UST: variants seen among roughly 807,000 people sequenced by gnomAD.
UST encodes uronyl 2-sulfotransferase.
Under a neutral mutation model 45.6 loss-of-function variants are expected in UST, and 21 were observed. That is an observed-to-expected ratio of 0.46 (90% confidence interval 0.33 to 0.66). The LOEUF is 0.66. UST is among the 30% of genes least tolerant of loss of function. UST has a pLI of 0.02. For missense variants in UST, 463 were observed against 512.4 expected (o/e 0.90, Z 0.93); for synonymous variants, 215 against 200.6 (o/e 1.07, Z -0.61).
At chr6:148,835,795 G>T (rs1414319933) in intron 1 of UST, among the ~76,000 whole-genome samples, 1 of 152,134 alleles carries the variant, frequency 6.6e-6, no homozygotes, top group Non-Finnish European at 1.5e-5. Context: ...GAAGTGTGTG[G>T]GGTAGGAAGT....
At chr6:148,999,098 A>T (rs1448371751) in intron 5 of UST, among the ~76,000 whole-genome samples, 4 of 152,258 alleles carry the variant, frequency 2.6e-5, no homozygotes, top group African/African-American at 4.8e-5. Flanking sequence ...AGTCATGCAG[A>T]TATCTAGCAA....
At chr6:149,043,308 A>G (rs1562337956) in intron 7 of UST, among the ~76,000 whole-genome samples, 1 of 151,924 alleles carries the variant, frequency 6.6e-6, no homozygotes, top group Non-Finnish European at 1.5e-5. Context: ...GTGAGGTCTC[A>G]CTGTGCTGCC....
chr6:149,055,113 T>G (rs888294361), intron 7 of UST, among the ~76,000 whole-genome samples: 1 of 152,134 alleles, frequency 6.6e-6, no homozygotes, highest in South Asian at 2.1e-4. Context: ...AATAAATCAT[T>G]TGGTAGAAGC....
chr6:148,991,948 G>A lies in UST; in HGVS notation c.682-27191G>A, dbSNP rs111632526. 3.6e-3 allele frequency among the ~76,000 whole-genome samples: 542 copies of A among 152,246 alleles called. 4 individuals are homozygous for A. Among genetic ancestry groups the A allele is most frequent in the African/African-American group, 0.012 (513 of 41,552 alleles). ...AAAATATGAGTACTCAGGGGTTGACGTTTAGAACAATAAATAATTTTTACT... is the reference window on the plus strand; with the variant it reads ...AAAATATGAGTACTCAGGGGTTGACATTTAGAACAATAAATAATTTTTACT... On this transcript the variant is annotated intron_variant, in intron 5 of 7. Transcript: ENST00000367463.
chr6:148,821,963 C>G (rs1777474263), intron 1 of UST, among the ~76,000 whole-genome samples: 1 of 152,176 alleles, frequency 6.6e-6, no homozygotes, highest in Non-Finnish European at 1.5e-5. Flanking sequence ...TTCTACATGT[C>G]CCCGTCATCC....
chr6:148,797,905 G>A (rs1776982983), intron 1 of UST, among the ~76,000 whole-genome samples: 1 of 152,174 alleles, frequency 6.6e-6, no homozygotes, highest in Admixed American at 6.5e-5. Flanking sequence ...GGCCAGATAG[G>A]TAAGCAGTGG....
At chr6:148,877,287 G>A (rs1381574282) in intron 1 of UST, among the ~76,000 whole-genome samples, 1 of 63,378 alleles carries the variant, frequency 1.6e-5, no homozygotes, top group East Asian at 6.6e-4. Context: ...GGGGAGTTGT[G>A]TATGAGTGCG....
chr6:148,836,617 T>TA (rs1660596454), intron 1 of UST, among the ~76,000 whole-genome samples: 1 of 152,182 alleles, frequency 6.6e-6, no homozygotes. Flanking sequence ...TGAAGGAAAT[T>TA]AGAGATTTTT....
chr6:149,005,658 G>A, intron 5 of UST: 1 of 962,916 alleles, frequency 1.0e-6, no homozygotes, highest in African/African-American at 1.8e-5. Context: ...TTAAAGGACT[G>A]ATTTCCACTA....
intron 1 of UST, among the ~76,000 whole-genome samples, chr6:148,819,538 T>A (rs1409629225): frequency 6.6e-6 from 1 of 152,258 alleles, no homozygotes; most frequent in Non-Finnish European, 1.5e-5. Flanking sequence ...ACTGACAACT[T>A]ATACAGACTT....
intron 7 of UST, among the ~76,000 whole-genome samples, chr6:149,035,507 C>T (rs1341108426): frequency 6.6e-6 from 1 of 152,098 alleles, no homozygotes; most frequent in Non-Finnish European, 1.5e-5. Context: ...GGAATCCCAG[C>T]ACTTTGGGAA....
At chr6:148,916,706 T>C (rs1244652132) in intron 2 of UST, among the ~76,000 whole-genome samples, 2 of 152,160 alleles carry the variant, frequency 1.3e-5, no homozygotes, top group African/African-American at 4.8e-5. Flanking sequence ...ACCCTGAAAC[T>C]GAACCCTGCC....
rs147762585 is a variant in UST at position 148,807,404 on chromosome 6, G to C, written c.247+59727G>C. ...CTGTGGGTTAGTGGTTTCAATCCCA[G>C]TTCTCCATTTACCAACCATGTGGTC... On this transcript the variant is annotated intron_variant, in intron 1 of 7. Coordinates refer to ENST00000367463, the MANE Select transcript of UST (RefSeq NM_005715.3). Among the ~76,000 whole-genome samples, 594 of 152,290 alleles carry C rather than the reference G, an allele frequency of 3.9e-3. 1 individual carries two copies. The highest frequency in any genetic ancestry group is 0.014 in the Middle Eastern group (4 of 294).
intron 7 of UST, among the ~76,000 whole-genome samples, chr6:149,041,618 A>G (rs1227829109): frequency 6.6e-6 from 1 of 152,208 alleles, no homozygotes; most frequent in Non-Finnish European, 1.5e-5. Context: ...ATCTCTGGTC[A>G]TGGTGAAATG....
At chr6:149,068,881 CTT>C (rs1429679170) in intron 7 of UST, among the ~76,000 whole-genome samples, 2 of 152,214 alleles carry the variant, frequency 1.3e-5, no homozygotes, top group Non-Finnish European at 2.9e-5. Context: ...ACCAACCTCT[CTT>C]CAGCCCGCTC....
chr6:148,948,957 T>A (rs1387066501), intron 3 of UST, among the ~76,000 whole-genome samples: 1 of 152,162 alleles, frequency 6.6e-6, no homozygotes, highest in Non-Finnish European at 1.5e-5. Flanking sequence ...AATGCAGCCT[T>A]TTGTGCCTCA....
intron 1 of UST, among the ~76,000 whole-genome samples, chr6:148,852,055 C>A (rs1778117768): frequency 6.6e-6 from 1 of 152,196 alleles, no homozygotes; most frequent in African/African-American, 2.4e-5. Flanking sequence ...TAATTAGCAG[C>A]AAAAGGGATT....
At chr6:148,763,514 T>A (rs1212708573) in intron 1 of UST, among the ~76,000 whole-genome samples, 1 of 152,212 alleles carries the variant, frequency 6.6e-6, no homozygotes, top group Non-Finnish European at 1.5e-5. Context: ...TTAGTTTAAT[T>A]AAGTCCCTTT....
intron 5 of UST, among the ~76,000 whole-genome samples, chr6:148,965,876 C>CTTTTTTTTTT (rs56202168): frequency 7.9e-6 from 1 of 126,238 alleles, no homozygotes. Context: ...TGGCTTTTCC[C>CTTTTTTTTTT]TTTTTTTTTT....
Sources: allele counts gnomAD v4.1 joint callset (sites outside exome capture counted in the v4.1 genomes callset), GRCh38; gene constraint gnomAD v4.1.1; transcripts MANE v1.5; gene names NCBI Gene and HGNC (gene_info 2026-07-23, HGNC 2026-07-21).